Variants in DSCAM observed in about 807,000 individuals in gnomAD.
DSCAM encodes the protein cell adhesion molecule DSCAM.
In DSCAM, 47 loss-of-function variants were observed where a neutral mutation model predicts 217.7. The ratio of observed to expected loss-of-function variants is 0.22; its 90% CI spans 0.17 to 0.28. The LOEUF (loss-of-function observed/expected upper bound fraction) is 0.28. Ranked by LOEUF, DSCAM falls within the 10% of genes least tolerant of loss-of-function variation. The pLI, the probability that DSCAM is intolerant of heterozygous loss-of-function variation, is 1.00. For missense variants in DSCAM, 2,080 were observed against 2,618.3 expected (o/e 0.79, Z 4.49); for synonymous variants, 1,056 against 1,015.3 (o/e 1.04, Z -0.76).
chr21:40,177,308 T>C (rs967809810), intron 15 of DSCAM, among the ~76,000 whole-genome samples: 2 of 152,144 alleles, frequency 1.3e-5, no homozygotes, highest in Non-Finnish European at 2.9e-5. Context: ...GATATGTCTG[T>C]GTAAGGAGCA....
At chr21:40,343,117 G>T (rs1055845668) in intron 6 of DSCAM, among the ~76,000 whole-genome samples, 1 of 151,980 alleles carries the variant, frequency 6.6e-6, no homozygotes. Context: ...TGTTTGTTCT[G>T]AGTATATAGA....
At chr21:40,251,978 G>T (rs561556343) in intron 11 of DSCAM, among the ~76,000 whole-genome samples, 1 of 152,128 alleles carries the variant, frequency 6.6e-6, no homozygotes, top group Non-Finnish European at 1.5e-5. Context: ...AGTAAGTGAG[G>T]CCACAAGTTG....
intron 11 of DSCAM, among the ~76,000 whole-genome samples, chr21:40,210,279 C>T (rs1189780663): frequency 6.6e-6 from 1 of 152,234 alleles, no homozygotes; most frequent in Non-Finnish European, 1.5e-5. Context: ...ACAAGGGGCT[C>T]TCCCTTCTCC....
At chr21:40,614,304 T>C (rs2089358028) in intron 3 of DSCAM, among the ~76,000 whole-genome samples, 1 of 152,232 alleles carries the variant, frequency 6.6e-6, no homozygotes, top group Non-Finnish European at 1.5e-5. Flanking sequence ...TTAAACAGGC[T>C]GACATCCTGA....
At chr21:40,242,622 G>A (rs1320840749) in intron 11 of DSCAM, among the ~76,000 whole-genome samples, 1 of 152,216 alleles carries the variant, frequency 6.6e-6, no homozygotes, top group Non-Finnish European at 1.5e-5. Flanking sequence ...GAAGTGCCAT[G>A]TGTGGCTTCC....
intron 28 of DSCAM, 68 bp from the exon 29 acceptor site, chr21:40,055,908 TG>T (rs2089011748): frequency 8.6e-7 from 1 of 1,159,104 alleles, no homozygotes; most frequent in African/African-American, 1.5e-5. Flanking sequence ...AACATGCACC[TG>T]TATACCAACT....
chr21:40,378,082 A>T (rs998861007), intron 3 of DSCAM, among the ~76,000 whole-genome samples: 10 of 152,300 alleles, frequency 6.6e-5, no homozygotes, highest in African/African-American at 2.4e-4. Context: ...GAGTTAAAGA[A>T]CACTCCACGT....
intron 1 of DSCAM, among the ~76,000 whole-genome samples, chr21:40,794,683 GTGTCATGGATC>G (rs1474106671): frequency 3.3e-5 from 5 of 150,476 alleles, no homozygotes; most frequent in African/African-American, 1.2e-4. Context: ...AACATGCACT[GTGTCATGGATC>G]ATCAACTAGT....
chr21:40,791,516 G>C (rs1393555685), intron 1 of DSCAM, among the ~76,000 whole-genome samples: 2 of 152,072 alleles, frequency 1.3e-5, no homozygotes, highest in Non-Finnish European at 2.9e-5. Flanking sequence ...TTAGCCGGGC[G>C]TGCTGGCGGG....
chr21:40,293,551 TTAGA>T (rs1018303008), intron 10 of DSCAM, among the ~76,000 whole-genome samples: 1 of 152,154 alleles, frequency 6.6e-6, no homozygotes, highest in African/African-American at 2.4e-5. Flanking sequence ...ACTAAAGTAA[TTAGA>T]TAAACGTAAT....
At chr21:40,297,630 C>A (rs867671648) in intron 9 of DSCAM, among the ~76,000 whole-genome samples, 2 of 152,116 alleles carry the variant, frequency 1.3e-5, no homozygotes, top group South Asian at 2.1e-4. Context: ...AAGCTTGTTA[C>A]AATGATCTGA....
chr21:40,754,539 C>A (rs1426529368), intron 1 of DSCAM, among the ~76,000 whole-genome samples: 2 of 152,166 alleles, frequency 1.3e-5, no homozygotes, highest in East Asian at 1.9e-4. Flanking sequence ...AGAGCAGGAC[C>A]CTGCCTCAGT....
Position 40,199,743 on chromosome 21 carries a change from G to A in DSCAM, c.2357-10505C>T, listed in dbSNP as rs562354000. The stretch of plus-strand genomic sequence containing the variant: ...TGATCAATGAGAATACGTGGACACA[G>A]GGAGGGGAACAACACGCACCGGGGC... On this transcript the variant is annotated intron_variant, in intron 11 of 32. Transcript: ENST00000400454. Among the ~76,000 whole-genome samples the A allele has an allele frequency of 6.6e-5, 10 of 152,228 alleles. No homozygotes were observed. The East Asian group carries it at 1.9e-3, about 29-fold the overall frequency.
intron 21 of DSCAM, among the ~76,000 whole-genome samples, chr21:40,087,653 C>T (rs1186492918): frequency 6.6e-6 from 1 of 152,188 alleles, no homozygotes; most frequent in African/African-American, 2.4e-5. Flanking sequence ...TTAAAATATA[C>T]TTTAATATCA....
intron 8 of DSCAM, among the ~76,000 whole-genome samples, chr21:40,319,114 G>C (rs2074232166): frequency 6.6e-6 from 1 of 152,152 alleles, no homozygotes; most frequent in African/African-American, 2.4e-5. Flanking sequence ...ACATAGATTT[G>C]AAATACCACA....
At chr21:40,356,199 T>C (rs970724220) in intron 4 of DSCAM, among the ~76,000 whole-genome samples, 3 of 152,176 alleles carry the variant, frequency 2.0e-5, no homozygotes, top group African/African-American at 7.2e-5. Context: ...GCTTCAGTTA[T>C]GCCAGATGAA....
chr21:40,536,490 C>T (rs976552135), intron 3 of DSCAM, among the ~76,000 whole-genome samples: 4 of 151,684 alleles, frequency 2.6e-5, no homozygotes, highest in Admixed American at 2.6e-4. Context: ...CAAGCTCCGC[C>T]TCCCGGGTTC....
intron 32 of DSCAM, among the ~76,000 whole-genome samples, chr21:40,014,383 C>CA (rs1190355958): frequency 1.3e-5 from 2 of 151,192 alleles, no homozygotes; most frequent in Non-Finnish European, 3.0e-5. Flanking sequence ...GAGCAAGACT[C>CA]AAACAAAACA....
rs1601855496 is a variant in DSCAM, at chr21:40,694,604, C to T, written c.362-1648G>A. Among the ~76,000 whole-genome samples the T allele has an allele frequency of 3.3e-5, 5 of 152,108 alleles. No homozygotes were observed. The South Asian group carries it at 1.0e-3, about 32-fold the overall frequency. On this transcript the variant is annotated intron_variant, in intron 2 of 32. Transcript: ENST00000400454. ...AGAATTTCTTCATTATTGTATCTAA[C>T]CAGAGAGATTTTTCCAAGTATTGAA...
Sources: allele counts gnomAD v4.1 joint callset (sites outside exome capture counted in the v4.1 genomes callset), GRCh38; gene constraint gnomAD v4.1.1; transcripts MANE v1.5; gene names NCBI Gene and HGNC (gene_info 2026-07-23, HGNC 2026-07-21).